Variants in LRRC37B observed in about 807,000 individuals in gnomAD.
LRRC37B encodes leucine rich repeat containing 37B.
Under a neutral mutation model 98.3 loss-of-function variants are expected in LRRC37B, and 28 were observed. The ratio of observed to expected loss-of-function variants is 0.28; its 90% confidence interval spans 0.21 to 0.39. The LOEUF is 0.39. Among genes scored for constraint, LRRC37B ranks in the 10% least tolerant of loss-of-function variants. The pLI, the probability that LRRC37B is intolerant of heterozygous loss-of-function variation, is 1.00. For missense variants in LRRC37B, 938 were observed against 1,182.7 expected, an observed-to-expected ratio of 0.79 and a Z score of 3.03; for synonymous variants, 364 against 442.7, an observed-to-expected ratio of 0.82 and a Z score of 2.23.
intron 9 of LRRC37B, among the ~76,000 whole-genome samples, chr17:32,048,634 A>G (rs995643120): frequency 2.0e-5 from 3 of 152,348 alleles, no homozygotes; most frequent in Non-Finnish European, 2.9e-5. Flanking sequence ...CCAGAAAAAA[A>G]TACCGCTTTT....
rs975667007 is a variant in LRRC37B at position 32,044,222 on chromosome 17, T to C, written c.2205-1478T>C. Among the ~76,000 whole-genome samples the C allele has an allele frequency of 1.5e-4, 23 of 152,068 alleles. 3 individuals carry two copies. Among genetic ancestry groups the C allele is most frequent in the Admixed American group, 1.2e-3 (19 of 15,256 alleles). ...GCCATAACAATAAATTAATCAATTA[T>C]CTTGGTTATCTCTTTTGCCCAAATT... On this transcript the variant is annotated intron_variant, in intron 7 of 11. Transcript: ENST00000327564.
At chr17:32,012,244 A>G (rs1307263972) in intron 1 of LRRC37B, among the ~76,000 whole-genome samples, 1 of 152,214 alleles carries the variant, frequency 6.6e-6, no homozygotes, top group African/African-American at 2.4e-5. Context: ...GTTGAAGTCT[A>G]CAACGATTGT....
At chr17:32,012,056 T>C (rs1910536940) in intron 1 of LRRC37B, among the ~76,000 whole-genome samples, 2 of 152,184 alleles carry the variant, frequency 1.3e-5, no homozygotes, top group Admixed American at 1.3e-4. Context: ...GGTTTGTATA[T>C]GGCCTGAAAC....
chr17:32,025,421 A>G (rs921670486), intron 2 of LRRC37B, among the ~76,000 whole-genome samples: 1 of 151,708 alleles, frequency 6.6e-6, no homozygotes, highest in Admixed American at 6.6e-5. Flanking sequence ...CCCTGAGGTA[A>G]TGCTACTGTG....
intron 7 of LRRC37B, chr17:32,040,959 GA>G: frequency 1.1e-6 from 1 of 926,056 alleles, no homozygotes; most frequent in Non-Finnish European, 1.8e-6. Flanking sequence ...CAAGATCCCC[GA>G]TGAGGAGCTG....
intron 7 of LRRC37B, chr17:32,040,734 C>A (rs1451976214): frequency 2.5e-5 from 20 of 795,698 alleles, no homozygotes; most frequent in Non-Finnish European, 9.2e-6. Flanking sequence ...CCAGAAGGAG[C>A]TGGGCAACGA....
chr17:32,043,834 G>T (rs1413726903), intron 7 of LRRC37B, among the ~76,000 whole-genome samples: 5 of 150,532 alleles, frequency 3.3e-5, no homozygotes, highest in Non-Finnish European at 5.9e-5. Flanking sequence ...CAGTCTTAAT[G>T]TGGCCCTAAC....
intron 7 of LRRC37B, among the ~76,000 whole-genome samples, chr17:32,037,996 G>A (rs933801127): frequency 6.6e-6 from 1 of 152,002 alleles, no homozygotes; most frequent in Admixed American, 6.5e-5. Context: ...GTGTAGTGGC[G>A]GGCACCTTTA....
chr17:32,022,266 C>T lies in LRRC37B; in HGVS notation c.1201C>T (p.Pro401Ser), dbSNP rs777555811. The change falls in exon 1 of 12, where the codon CCC (proline) becomes TCC (serine). Residue 401 changes from proline to serine, a missense_variant. Pro to Ser is a moderately conservative substitution (Grantham distance 74). Coordinates refer to ENST00000327564, the Ensembl canonical transcript of LRRC37B. Reference sequence around the variant, plus strand: ...CCAGCAGGAGGCCCCAATTCAGCCTCCCGAGGAGGCGGAACCTTCTTCTAC... The same window carrying T: ...CCAGCAGGAGGCCCCAATTCAGCCTTCCGAGGAGGCGGAACCTTCTTCTAC... 3.1e-6 allele frequency: 5 copies of T among 1,613,834 alleles called. No homozygotes were observed. In the Admixed American group the frequency reaches 5.0e-5, roughly 16 times the overall value.
intron 7 of LRRC37B, among the ~76,000 whole-genome samples, chr17:32,043,871 A>G (rs1158912748): frequency 6.7e-5 from 5 of 74,202 alleles, no homozygotes. Context: ...AGGACTCAAA[A>G]GAGGCCCCCC....
chr17:32,052,611 A>G (rs1391591521), intron 11 of LRRC37B: 1 of 152,190 alleles, frequency 6.6e-6, no homozygotes, highest in Admixed American at 6.5e-5. Flanking sequence ...GAAACAATAA[A>G]AATACAATTA....
chr17:32,027,121 A>T (rs1344731965), intron 2 of LRRC37B, among the ~76,000 whole-genome samples: 1 of 152,210 alleles, frequency 6.6e-6, no homozygotes, highest in Non-Finnish European at 1.5e-5. Flanking sequence ...GATGGGGGAA[A>T]AATGTTGAAT....
rs376816411 is a variant in LRRC37B, at chr17:32,040,914, C to T, written c.2205-4786C>T. On this transcript the variant is annotated intron_variant, in intron 7 of 11. Transcript: ENST00000327564. Reference sequence around the variant, plus strand: ...GCACCACCTGCAGAAGCTGGAGGGCCGCCGCCTGGACTTTGACTAAAAGAA... The same window carrying T: ...GCACCACCTGCAGAAGCTGGAGGGCTGCCGCCTGGACTTTGACTAAAAGAA... 3.9e-5 allele frequency: 37 copies of T among 955,744 alleles called. No homozygotes were observed. The East Asian group carries it at 4.8e-4, about 12-fold the overall frequency. 59.2% of individuals were successfully genotyped at this position (955,744 alleles called of 1,614,324 possible).
chr17:32,033,849 T>C (rs1170213600), intron 5 of LRRC37B: 1 of 152,250 alleles, frequency 6.6e-6, no homozygotes, highest in East Asian at 1.9e-4. Flanking sequence ...ATTTATTCAT[T>C]TTATTGACAG....
chr17:32,049,882 G>A, intron 10 of LRRC37B, 121 bp from the exon 14 acceptor site: 1 of 587,412 alleles, frequency 1.7e-6, no homozygotes, highest in South Asian at 2.3e-5. Context: ...AAAATAAAAA[G>A]AACAAAAGAA....
intron 9 of LRRC37B, among the ~76,000 whole-genome samples, chr17:32,048,671 A>G (rs1911655526): frequency 2.0e-5 from 3 of 152,252 alleles, no homozygotes; most frequent in African/African-American, 4.8e-5. Flanking sequence ...TGTGGCCCAC[A>G]GAACACCGAA....
chr17:32,025,340 A>T (rs1422848652), intron 2 of LRRC37B, among the ~76,000 whole-genome samples: 1 of 151,948 alleles, frequency 6.6e-6, no homozygotes, highest in Non-Finnish European at 1.5e-5. Flanking sequence ...CCAGCCCATG[A>T]TTCTATTTTT....
chr17:32,015,953 G>A (rs576234375), intron 1 of LRRC37B, among the ~76,000 whole-genome samples: 11 of 152,206 alleles, frequency 7.2e-5, no homozygotes, highest in Admixed American at 2.6e-4. Flanking sequence ...CTTGAAAACC[G>A]TCTAGGATTT....
intron 3 of LRRC37B, chr17:32,028,944 A>G (rs942622642): frequency 6.6e-6 from 1 of 151,768 alleles, no homozygotes; most frequent in Non-Finnish European, 1.5e-5. Context: ...TTGCTTTAAA[A>G]TAATCATTTT....
Sources: gnomAD v4.1 joint callset for allele counts (sites outside exome capture counted in the v4.1 genomes callset) on GRCh38, gnomAD v4.1.1 for gene constraint, MANE v1.5 for transcripts, NCBI Gene and HGNC (gene_info 2026-07-23, HGNC 2026-07-21) for gene names.